Variants in LMTK3 observed in about 807,000 individuals in gnomAD.
LMTK3 encodes lemur tail kinase 3, also known as serine/threonine-protein kinase LMTK3.
A neutral mutation model predicts 116.7 loss-of-function variants in LMTK3; 27 were observed. That is an observed-to-expected ratio of 0.23 (90% CI 0.17 to 0.32). The LOEUF (loss-of-function observed/expected upper bound fraction) is 0.32. Among genes scored for constraint, LMTK3 ranks in the 10% least tolerant of loss-of-function variants. The pLI is 1.00. For synonymous variants in LMTK3, 965 were observed against 971.0 expected, an observed-to-expected ratio of 0.99 and a Z score of 0.11; for missense variants, 1,764 against 2,068.5, an observed-to-expected ratio of 0.85 and a Z score of 2.86.
Position 48,511,510 on chromosome 19 carries a change from C to T in LMTK3, c.67G>A (p.Ala23Thr). ...GGCCCGACAGACTCACCGGGGTGGG[C>T]CGGGGACGCCAGGCAGCCGGAGGCG... ...VSASGCLASP[A>T]HPDGFALGRA... The change falls in exon 1 of 15, where the codon GCC (alanine) becomes ACC (threonine). Residue 23 changes from alanine to threonine, a missense_variant. Transcript: ENST00000600059. The T allele has an allele frequency of 2.2e-6, 3 of 1,391,002 alleles. No homozygotes were observed. Among genetic ancestry groups the T allele is most frequent in the South Asian group, 1.6e-5 (1 of 62,214 alleles). The allele number at this position is 1,391,002 out of a possible 1,614,324, so 86.2% of individuals were successfully genotyped here. A position where few individuals can be genotyped will look rare whatever the true frequency, so the allele number is the denominator to read the frequency against.
Position 48,499,903 on chromosome 19 carries a change from T to C in LMTK3, c.1166A>G (p.Gln389Arg). ...CTGGGCAGGTGGCCGCCAGCAGGACTGAAGAATGTCATACCTGGGGAGAGG... is the reference window on the plus strand; with the variant it reads ...CTGGGCAGGTGGCCGCCAGCAGGACCGAAGAATGTCATACCTGGGGAGAGG... The part of the protein sequence containing the change: ...PYADYWYDIL[Q>R]SCWRPPAQRP... Residue 389 changes from glutamine (Q) to arginine (R), a missense_variant, in exon 11 of 15, where the codon CAG (glutamine) becomes CGG (arginine). By Grantham distance (43) the Gln-to-Arg change is conservative (BLOSUM62 1). Around this residue, in one of 7 missense-constraint regions of LMTK3, gnomAD observed 271 missense variants for 478.2 expected, o/e 0.57. Coordinates refer to ENST00000600059, the MANE Select transcript of LMTK3 (RefSeq NM_001388485.1). 1 of 1,593,356 alleles carries C rather than the reference T, an allele frequency of 6.3e-7. No homozygotes were observed. The highest frequency in any genetic ancestry group is 8.5e-7 in the Non-Finnish European group (1 of 1,171,754).
chr19:48,498,206 C>T lies in LMTK3; in HGVS notation c.2863G>A (p.Glu955Lys). 6.2e-7 allele frequency: 1 copy of T among 1,613,646 alleles called. No individual in the cohort carries two copies. Among genetic ancestry groups the T allele is most frequent in the East Asian group, 2.2e-5 (1 of 44,828 alleles). The change falls in exon 11 of 15, where the codon GAA becomes AAA. Residue 955 changes from glutamate (E) to lysine (K), a missense_variant. This residue lies in a region of LMTK3 where 1,028 missense variants were observed against 1,050.6 expected (regional missense o/e 0.98). Transcript: ENST00000600059. ...TCCCCATTCTCCAGCACTTTCTCTTCTCTCTCGGGGGACCCCAGGGCCCCA... is the reference window on the plus strand; with the variant it reads ...TCCCCATTCTCCAGCACTTTCTCTTTTCTCTCGGGGGACCCCAGGGCCCCA... ...ENGALGSPER[E>K]EKVLENGELT...
At chr19:48,513,015 A>C, upstream of LMTK3, 1 of 791,628 alleles carries the variant, frequency 1.3e-6, no homozygotes, top group Non-Finnish European at 2.2e-6. This position sits in a 1 kb window ranked among gnomAD's most constrained non-coding sequence, Gnocchi z 5.6. Flanking sequence ...AAAGACACAG[A>C]ACCCCACCAC....
At chr19:48,508,744 C>T in intron 5 of LMTK3, 107 bp downstream of exon 5, 1 of 891,146 alleles carries the variant, frequency 1.1e-6, no homozygotes, top group Non-Finnish European at 1.9e-6. Context: ...CCTGCCAGAG[C>T]TGCACAACCG....
chr19:48,513,506 G>T, upstream of LMTK3: 1 of 333,354 alleles, frequency 3.0e-6, no homozygotes, highest in Non-Finnish European at 5.6e-6. This position sits in a 1 kb window ranked among gnomAD's most constrained non-coding sequence, Gnocchi z 5.6. Context: ...CCGTCTCGGG[G>T]TCACATCCCA....
chr19:48,492,680 A>ACTCTT (rs2147532764), intron 12 of LMTK3, among the ~76,000 whole-genome samples: 1 of 151,920 alleles, frequency 6.6e-6, no homozygotes, highest in Admixed American at 6.6e-5. Flanking sequence ...AGACACTAGA[A>ACTCTT]CTCTAGTCAA....
intron 5 of LMTK3, among the ~76,000 whole-genome samples, chr19:48,506,046 G>A (rs1288876066): frequency 6.6e-6 from 1 of 151,666 alleles, no homozygotes; most frequent in Non-Finnish European, 1.5e-5. Context: ...GGAGGCTGAG[G>A]CAGGAGAATC....
intron 5 of LMTK3, among the ~76,000 whole-genome samples, chr19:48,503,928 A>C (rs577786188): frequency 6.7e-6 from 1 of 149,850 alleles, no homozygotes; most frequent in African/African-American, 2.5e-5. Flanking sequence ...AGTGCAATGG[A>C]GTGATCTCAG....
At chr19:48,503,154 AGTC>A (rs2147552964) in intron 5 of LMTK3, among the ~76,000 whole-genome samples, 158 bp from the exon 6 acceptor site, 1 of 152,216 alleles carries the variant, frequency 6.6e-6, no homozygotes, top group African/African-American at 2.4e-5. Context: ...CCCAGGCGGG[AGTC>A]CTGCCTCAGC....
intron 11 of LMTK3, among the ~76,000 whole-genome samples, chr19:48,496,301 CTTTTT>C: frequency 8.2e-6 from 1 of 122,332 alleles, no homozygotes; most frequent in Admixed American, 8.0e-5. Flanking sequence ...TTTTTCTTTT[CTTTTT>C]TTTTTTTTCT....
At chr19:48,505,660 G>A (rs1001238154) in intron 5 of LMTK3, among the ~76,000 whole-genome samples, 6 of 152,102 alleles carry the variant, frequency 3.9e-5, no homozygotes, top group Admixed American at 6.6e-5. Context: ...TCAGGAGTTC[G>A]AGACCAGCCT....
chr19:48,498,847 G>C lies in LMTK3; in HGVS notation c.2222C>G (p.Ala741Gly). 1 of 1,196,474 alleles carries C rather than the reference G, an allele frequency of 8.4e-7. No individual in the cohort carries two copies. Among genetic ancestry groups the C allele is most frequent in the Non-Finnish European group, 1.1e-6 (1 of 943,366 alleles). The allele number at this position is 1,196,474 out of a possible 1,614,324, so 74.1% of individuals were successfully genotyped here. Residue 741 changes from alanine (A) to glycine (G), a missense_variant, in exon 11 of 15, where the codon GCG becomes GGG. By Grantham distance (60) the Ala-to-Gly change is moderately conservative. Around this residue, in one of 7 missense-constraint regions of LMTK3, gnomAD observed 1,028 missense variants for 1,050.6 expected, o/e 0.98. Transcript: ENST00000600059. ...TGGCCCCCGCCCGGGGTACTGGGGC[G>C]CCGCCGCCCCCATGAGGGGGTCCAG... ...EFLDPLMGAA[A>G]PQYPGRGPPP...
Position 48,497,943 on chromosome 19 carries a change from C to A in LMTK3, c.3126G>T (p.Thr1042=), listed in dbSNP as rs771721210. The A allele has an allele frequency of 6.4e-7, 1 of 1,555,444 alleles. No individual in the cohort carries two copies. Among genetic ancestry groups the A allele is most frequent in the Non-Finnish European group, 8.7e-7 (1 of 1,155,738 alleles). ...KTPESWGPAP[T]IGEPAPETSL... ...AGGTCTCTGGGGCTGGCTCCCCGATCGTGGGGGCTGGACCCCAACTCTCGG... is the reference window on the plus strand; with the variant it reads ...AGGTCTCTGGGGCTGGCTCCCCGATAGTGGGGGCTGGACCCCAACTCTCGG... The change falls in exon 11 of 15, where the codon ACG becomes ACT. Residue 1042 remains threonine, a synonymous_variant. Coordinates refer to ENST00000600059, the MANE Select transcript of LMTK3 (RefSeq NM_001388485.1). The surrounding 1 kb of genome is among the most constrained non-coding windows in gnomAD (Gnocchi z 5.7).
In LMTK3 at chr19:48,491,883, G is replaced by A. The variant is rs1164794977; in HGVS notation, c.4093-344C>T. 2.0e-5 allele frequency among the ~76,000 whole-genome samples: 3 copies of A among 150,618 alleles called. No individual in the cohort carries two copies. Among genetic ancestry groups the A allele is most frequent in the South Asian group, 2.1e-4 (1 of 4,770 alleles). ...TCTCCATAAGCCCCACCCCGTCCAC[G>A]TCAGTCCCACCCACCTCTGAGATCT... is the stretch of plus-strand genomic sequence containing the variant. On this transcript the variant is annotated intron_variant, in intron 12 of 14. Coordinates refer to ENST00000600059, the MANE Select transcript of LMTK3 (RefSeq NM_001388485.1). This position sits in a 1 kb window ranked among gnomAD's most constrained non-coding sequence, Gnocchi z 5.1.
chr19:48,496,192 C>A (rs1039131257), intron 11 of LMTK3, among the ~76,000 whole-genome samples: 4 of 152,232 alleles, frequency 2.6e-5, no homozygotes, highest in Admixed American at 2.6e-4. Context: ...TCACTGCAAT[C>A]TCTGACTCAC....
intron 14 of LMTK3, among the ~76,000 whole-genome samples, chr19:48,486,377 A>G (rs940204625): frequency 3.3e-5 from 5 of 151,130 alleles, no homozygotes; most frequent in African/African-American, 9.7e-5. Context: ...CATTCTTCCT[A>G]CGTGACTCAG....
chr19:48,486,727 C>T (rs1185674009), intron 14 of LMTK3, among the ~76,000 whole-genome samples: 4 of 151,698 alleles, frequency 2.6e-5, no homozygotes, highest in Non-Finnish European at 5.9e-5. Context: ...TTAGTAGAGA[C>T]GGGTTTTTAC....
rs1972352638 is a variant in LMTK3 at position 48,497,603 on chromosome 19, C to T, written c.3466G>A (p.Ala1156Thr). The change falls in exon 11 of 15, where the codon GCA becomes ACA. Residue 1156 changes from alanine (A) to threonine (T), a missense_variant. Ala to Thr is a moderately conservative substitution (Grantham distance 58). Around this residue, in one of 7 missense-constraint regions of LMTK3, gnomAD observed 1,028 missense variants for 1,050.6 expected, o/e 0.98. Coordinates refer to ENST00000600059, the MANE Select transcript of LMTK3 (RefSeq NM_001388485.1). This position sits in a 1 kb window ranked among gnomAD's most constrained non-coding sequence, Gnocchi z 5.7. ...GCTGGCTCCAGCCTCCTCGGCTGTG[C>T]CTCCGGTGGCGGTGGCAGCGGTGGC... ...PPPPLPPPPE[A>T]QPRRLEPAPP... is the part of the protein sequence containing the mutation. The T allele has an allele frequency of 1.5e-6, 2 of 1,310,038 alleles. No individual in the cohort carries two copies. The highest frequency in any genetic ancestry group is 2.3e-5 in the South Asian group (1 of 44,146). 81.2% of individuals were successfully genotyped at this position (1,310,038 alleles called of 1,614,324 possible). A position where few individuals can be genotyped will look rare whatever the true frequency, so the allele number is the denominator to read the frequency against.
At chr19:48,502,614 A>G (rs1972493115) in intron 6 of LMTK3, 33 bp from the exon 7 acceptor site, 2 of 1,517,136 alleles carry the variant, frequency 1.3e-6, no homozygotes, top group Admixed American at 2.2e-5. Context: ...CAGCACCACC[A>G]GCCGCTCAGG....
Sources: gnomAD v4.1 joint callset for allele counts (sites outside exome capture counted in the v4.1 genomes callset) on GRCh38, gnomAD v4.1.1 for gene constraint, gnomAD v4.1.1 regional missense constraint, Gnocchi (gnomAD v3.1) non-coding constraint, MANE v1.5 for transcripts, NCBI Gene and HGNC (gene_info 2026-07-23, HGNC 2026-07-21) for gene names.